Variants in PLD4 observed in about 807,000 individuals in gnomAD.
The protein encoded by PLD4 is 5'-3' exonuclease PLD4.
PLD4 carries 54 observed loss-of-function variants against 52.3 expected under a neutral mutation model. The ratio of observed to expected loss-of-function variants is 1.03; its 90% CI spans 0.83 to 1.30. The LOEUF (loss-of-function observed/expected upper bound fraction) is 1.30, where lower values mean the gene tolerates loss of function less well. PLD4 is among the 50% of genes most tolerant of loss of function. The pLI, the probability that PLD4 is intolerant of heterozygous loss-of-function variation, is 0.00. For synonymous variants in PLD4, 264 were observed against 286.5 expected (o/e 0.92, Z 0.79); for missense variants, 731 against 671.1 (o/e 1.09, Z -0.99).
At chr14:104,929,836 G>A in intron 5 of PLD4, 142 bp from the exon 6 acceptor site, 3 of 973,980 alleles carry the variant, frequency 3.1e-6, no homozygotes, top group Non-Finnish European at 4.6e-6. Context: ...CTATAAAATG[G>A]GGATGAGGAT....
At chr14:104,930,985 C>A in intron 7 of PLD4, 43 bp downstream of exon 7, 1 of 1,599,100 alleles carries the variant, frequency 6.3e-7, no homozygotes, top group Non-Finnish European at 8.6e-7. Context: ...CCCCTGTTCT[C>A]CCCTGGCTGG....
intron 6 of PLD4, chr14:104,930,513 C>G (rs950676017): frequency 3.4e-6 from 2 of 595,042 alleles, no homozygotes; most frequent in African/African-American, 1.9e-5. Context: ...TTGTAATAAA[C>G]GTGTATTGCT....
chr14:104,930,709 T>G, intron 6 of PLD4, 33 bp from the exon 7 acceptor site: 1 of 1,611,432 alleles, frequency 6.2e-7, no homozygotes, highest in Non-Finnish European at 8.5e-7. Context: ...AGAGGGGTTT[T>G]TCTCCCACAG....
chr14:104,928,997 T>A, intron 4 of PLD4, 65 bp downstream of exon 4: 4 of 1,524,672 alleles, frequency 2.6e-6, no homozygotes, highest in Non-Finnish European at 3.5e-6. Flanking sequence ...GCTGCCTATC[T>A]ATGCAGGCGT....
At chr14:104,925,886 GT>G (rs1483773474) in intron 1 of PLD4, among the ~76,000 whole-genome samples, 2 of 152,038 alleles carry the variant, frequency 1.3e-5, no homozygotes, top group East Asian at 3.9e-4. Context: ...TGAGTCCCCT[GT>G]CCCCACACTT....
Position 104,932,020 on chromosome 14 carries a change from C to G in PLD4, c.1067C>G (p.Pro356Arg). ...TRFSHPPRYW[P>R]VLDNALRAAA... is the part of the protein sequence containing the mutation. ...TCCCTCCCCACCCCAAGGTACTGGCCGGTGCTGGACAACGCGCTGCGGGCG... is the reference window on the plus strand; with the variant it reads ...TCCCTCCCCACCCCAAGGTACTGGCGGGTGCTGGACAACGCGCTGCGGGCG... The change falls in exon 9 of 11, where the codon CCG becomes CGG. Residue 356 changes from proline (P) to arginine (R), a missense_variant. Physicochemically the swap from Pro to Arg is moderately radical, Grantham distance 103. Transcript: ENST00000392593. This position sits in a 1 kb window ranked among gnomAD's most constrained non-coding sequence, Gnocchi z 6.5. 2 of 1,595,934 alleles carry G rather than the reference C, an allele frequency of 1.3e-6. No homozygotes were observed. Among genetic ancestry groups the G allele is most frequent in the Non-Finnish European group, 1.7e-6 (2 of 1,173,770 alleles).
At chr14:104,933,517 C>G (rs1566891988), downstream of PLD4, 1 of 150,406 alleles carries the variant, frequency 6.6e-6, no homozygotes, top group South Asian at 2.1e-4. Flanking sequence ...GCGGAGCCCA[C>G]GCCCGGGACT....
In PLD4 at chr14:104,929,962, C is replaced by A; in HGVS notation, c.590-16C>A. 1 of 1,613,188 alleles carries A rather than the reference C, an allele frequency of 6.2e-7. No homozygotes were observed. Among genetic ancestry groups the A allele is most frequent in the Non-Finnish European group, 8.5e-7 (1 of 1,179,792 alleles). The stretch of plus-strand genomic sequence containing the variant: ...AGCAAGACCTAGTTCATCCCATTGC[C>A]TGAACTCTCCACCAGGTGCCCATGT... On this transcript the variant is annotated splice_polypyrimidine_tract_variant and intron_variant, in intron 5 of 10. Coordinates refer to ENST00000392593, the MANE Select transcript of PLD4 (RefSeq NM_138790.5).
chr14:104,927,954 A>AG (rs1180215583), intron 3 of PLD4, 88 bp downstream of exon 3: 5 of 1,365,446 alleles, frequency 3.7e-6, no homozygotes, highest in East Asian at 5.1e-5. Context: ...CCGTGAGATA[A>AG]GGGGGGCCCT....
At chr14:104,931,910 C>A (rs373902639) in intron 8 of PLD4, 23 bp downstream of exon 8, 95 of 1,527,834 alleles carry the variant, frequency 6.2e-5, no homozygotes, top group Non-Finnish European at 8.2e-5. Flanking sequence ...GGGAGGTGGG[C>A]GGCCTGCTCT....
At chr14:104,926,231 C>T (rs1402475306) in intron 1 of PLD4, among the ~76,000 whole-genome samples, 1 of 152,186 alleles carries the variant, frequency 6.6e-6, no homozygotes, top group Non-Finnish European at 1.5e-5. Context: ...CAGCTCCTGC[C>T]CTGGTGGATG....
chr14:104,928,978 G>A (rs1897550959), intron 4 of PLD4, 46 bp downstream of exon 4: 13 of 1,553,474 alleles, frequency 8.4e-6, no homozygotes, highest in Non-Finnish European at 1.1e-5. Context: ...TGGAAACACA[G>A]CAAGTCAGGC....
At chr14:104,929,087 C>G in intron 4 of PLD4, 155 bp downstream of exon 4, 1 of 1,224,028 alleles carries the variant, frequency 8.2e-7, no homozygotes. Flanking sequence ...TTTGGGGGCT[C>G]TAACAGCAGA....
At chr14:104,933,345 C>A, downstream of PLD4, 1 of 177,086 alleles carries the variant, frequency 5.6e-6, no homozygotes, top group Non-Finnish European at 1.2e-5. Context: ...GCCGTGGCAG[C>A]GCCTCAGCTA....
chr14:104,930,964 C>T (rs771770037), intron 7 of PLD4, 22 bp downstream of exon 7: 83 of 1,608,146 alleles, frequency 5.2e-5, no homozygotes, highest in Non-Finnish European at 7.7e-6. Context: ...TGAGAAGGAG[C>T]CCATCAGAGG....
At position 104,927,599 on chromosome 14, in the gene PLD4, G is replaced by A. The variant is rs1356862764; in HGVS notation, c.91-74G>A. 18 of 1,442,578 alleles carry A rather than the reference G, an allele frequency of 1.2e-5. No individual in the cohort carries two copies. In the Admixed American group the frequency reaches 3.2e-4, roughly 26 times the overall value. 89.4% of individuals were successfully genotyped at this position (1,442,578 alleles called of 1,614,324 possible). ...CAAGACGGTCTCTGTCTCAGCACTG[G>A]AGGGGCCATCGTGGCCCAGCCAGAA... On this transcript the variant is annotated intron_variant, in intron 2 of 10. Coordinates refer to ENST00000392593, the MANE Select transcript of PLD4 (RefSeq NM_138790.5).
At chr14:104,936,020 T>C (rs1897800961), downstream of PLD4, 1 of 152,232 alleles carries the variant, frequency 6.6e-6, no homozygotes, top group African/African-American at 2.4e-5. Flanking sequence ...TTTAAGTTGC[T>C]AATTTGTAGT....
chr14:104,937,454 G>A (rs969891956), downstream of PLD4: 5 of 152,490 alleles, frequency 3.3e-5, no homozygotes, highest in Non-Finnish European at 7.3e-5. Flanking sequence ...AGCTTCTGCT[G>A]GCCCAGCTGC....
chr14:104,932,021 G>T lies in PLD4; in HGVS notation c.1068G>T (p.Pro356=), dbSNP rs748586346. 1.3e-6 allele frequency: 2 copies of T among 1,596,646 alleles called. No individual in the cohort carries two copies. Among genetic ancestry groups the T allele is most frequent in the East Asian group, 2.2e-5 (1 of 44,636 alleles). ...TRFSHPPRYW[P]VLDNALRAAA... is the part of the protein sequence containing the mutation. The stretch of plus-strand genomic sequence containing the variant: ...CCCTCCCCACCCCAAGGTACTGGCC[G>T]GTGCTGGACAACGCGCTGCGGGCGG... The change falls in exon 9 of 11, where the codon CCG becomes CCT. Residue 356 remains proline, a synonymous_variant. Coordinates refer to ENST00000392593, the MANE Select transcript of PLD4 (RefSeq NM_138790.5). The surrounding 1 kb of genome is among the most constrained non-coding windows in gnomAD (Gnocchi z 6.5).
Sources: gnomAD v4.1 joint callset for allele counts (sites outside exome capture counted in the v4.1 genomes callset) on GRCh38, gnomAD v4.1.1 for gene constraint, Gnocchi (gnomAD v3.1) non-coding constraint, MANE v1.5 for transcripts, NCBI Gene and HGNC (gene_info 2026-07-23, HGNC 2026-07-21) for gene names.